The following PARD6G variants were observed in gnomAD, a reference collection of about 807,000 sequenced individuals.
PARD6G encodes par-6 family cell polarity regulator gamma.
A neutral mutation model predicts 10.7 loss-of-function variants in PARD6G; 7 were observed. The ratio of observed to expected loss-of-function variants is 0.66; its 90% CI spans 0.37 to 1.23. The LOEUF is 1.23. PARD6G is among the 50% of genes most tolerant of loss of function. PARD6G has a pLI of 0.02. For missense variants in PARD6G, 548 were observed against 571.8 expected (o/e 0.96, Z 0.42); for synonymous variants, 287 against 269.4 (o/e 1.07, Z -0.64).
chr18:80,235,597 A>G (rs1967412101), intron 1 of PARD6G, among the ~76,000 whole-genome samples: 1 of 152,224 alleles, frequency 6.6e-6, no homozygotes, highest in African/African-American at 2.4e-5. Flanking sequence ...GATCAACAAA[A>G]TTGATAGACC....
intron 1 of PARD6G, among the ~76,000 whole-genome samples, chr18:80,232,268 C>T (rs1967366311): frequency 6.6e-6 from 1 of 152,092 alleles, no homozygotes. Context: ...AGTACTCTGA[C>T]CTCCACTGCA....
At position 80,160,314 on chromosome 18, in the gene PARD6G, C is replaced by T; in HGVS notation, c.588G>A (p.Ser196=). The change falls in exon 3 of 3, where the codon TCG becomes TCA. Residue 196 remains serine, a synonymous_variant. Coordinates refer to ENST00000353265, the MANE Select transcript of PARD6G (RefSeq NM_032510.4). ...CCGCCAGGCCCCCGGGTACCATGCG[C>T]GAGATGAAGATGCCGGGCACCTTCT... is the stretch of plus-strand genomic sequence containing the variant. ...GLEKVPGIFI[S]RMVPGGLAES... is the part of the protein sequence containing the mutation. The T allele has an allele frequency of 6.2e-7, 1 of 1,612,172 alleles. No individual in the cohort carries two copies. Among genetic ancestry groups the T allele is most frequent in the South Asian group, 1.1e-5 (1 of 91,086 alleles).
At chr18:80,229,654 T>C (rs912726874) in intron 1 of PARD6G, among the ~76,000 whole-genome samples, 2 of 152,234 alleles carry the variant, frequency 1.3e-5, no homozygotes, top group Non-Finnish European at 2.9e-5. Context: ...GTGTAGCTGA[T>C]GGTTTGCTCG....
intron 2 of PARD6G, among the ~76,000 whole-genome samples, chr18:80,177,184 C>CACAT: frequency 7.5e-6 from 1 of 132,986 alleles, no homozygotes; most frequent in Admixed American, 8.0e-5. Flanking sequence ...CATACACACA[C>CACAT]ACCACAGTAT....
chr18:80,226,492 T>C (rs937472920), intron 1 of PARD6G, among the ~76,000 whole-genome samples: 21 of 152,198 alleles, frequency 1.4e-4, no homozygotes, highest in African/African-American at 5.1e-4. Flanking sequence ...AGATATCTTA[T>C]GCATACGAAA....
chr18:80,182,397 G>T lies in PARD6G; in HGVS notation c.295+20313C>A, dbSNP rs959928408. On this transcript the variant is annotated intron_variant, in intron 2 of 2. Transcript: ENST00000353265. The surrounding 1 kb of genome is among the most constrained non-coding windows in gnomAD (Gnocchi z 4.5). ...TGACAGGCCCTGAAGAACAGGTTCT[G>T]TGTCCACTTTAGATGCTGGAACTAC... 1.3e-5 allele frequency among the ~76,000 whole-genome samples: 2 copies of T among 152,244 alleles called. No individual in the cohort carries two copies. Among genetic ancestry groups the T allele is most frequent in the Admixed American group, 6.5e-5 (1 of 15,292 alleles).
At chr18:80,230,549 T>A (rs763191575) in intron 1 of PARD6G, among the ~76,000 whole-genome samples, 3 of 152,132 alleles carry the variant, frequency 2.0e-5, no homozygotes, top group Admixed American at 6.5e-5. Flanking sequence ...GGTGCAGCCG[T>A]TGGCACTCGC....
At chr18:80,213,170 A>T (rs997528775) in intron 1 of PARD6G, among the ~76,000 whole-genome samples, 1 of 152,242 alleles carries the variant, frequency 6.6e-6, no homozygotes, top group Admixed American at 6.5e-5. Flanking sequence ...ACACATAAAA[A>T]TGGTTAAGAT....
intron 2 of PARD6G, among the ~76,000 whole-genome samples, chr18:80,199,006 CT>C (rs1273048558): frequency 6.6e-6 from 1 of 152,218 alleles, no homozygotes; most frequent in African/African-American, 2.4e-5. Context: ...AAGAAACCCC[CT>C]CCCTCCCAAT....
chr18:80,230,015 T>A (rs1568443059), intron 1 of PARD6G, among the ~76,000 whole-genome samples: 1 of 152,172 alleles, frequency 6.6e-6, no homozygotes, highest in Non-Finnish European at 1.5e-5. Context: ...AGGGTCACAG[T>A]GTCACCATTT....
chr18:80,232,757 C>A (rs527241049), intron 1 of PARD6G, among the ~76,000 whole-genome samples: 6 of 152,138 alleles, frequency 3.9e-5, no homozygotes, highest in Non-Finnish European at 8.8e-5. Context: ...AGGCCAAACA[C>A]GCCCACACCA....
chr18:80,213,941 C>T (rs1196744577), intron 1 of PARD6G, among the ~76,000 whole-genome samples: 1 of 70,476 alleles, frequency 1.4e-5, no homozygotes, highest in Non-Finnish European at 2.5e-5. Flanking sequence ...AGTGAGACTC[C>T]ATCTCAAAAA....
At chr18:80,190,736 T>C (rs1966890477) in intron 2 of PARD6G, among the ~76,000 whole-genome samples, 1 of 152,092 alleles carries the variant, frequency 6.6e-6, no homozygotes, top group Non-Finnish European at 1.5e-5. Context: ...CGGGCAGCTG[T>C]TGGGGGCTTA....
intron 2 of PARD6G, among the ~76,000 whole-genome samples, chr18:80,179,104 C>A (rs1025927488): frequency 6.6e-6 from 1 of 152,164 alleles, no homozygotes; most frequent in South Asian, 2.1e-4. Flanking sequence ...TCACTGCCCC[C>A]GACACCTCCC....
In PARD6G at chr18:80,188,138, C is replaced by A. The variant is rs1225473533; in HGVS notation, c.295+14572G>T. On this transcript the variant is annotated intron_variant, in intron 2 of 2. Coordinates refer to ENST00000353265, the MANE Select transcript of PARD6G (RefSeq NM_032510.4). This position sits in a 1 kb window ranked among gnomAD's most constrained non-coding sequence, Gnocchi z 5.4. ...TAAGATGCCTTGGACACAGTAATAT[C>A]CCTCTCATTTTACAGTATTTCTATC... 3.9e-5 allele frequency among the ~76,000 whole-genome samples: 6 copies of A among 152,150 alleles called. No homozygotes were observed. The highest frequency in any genetic ancestry group is 1.4e-4 in the African/African-American group (6 of 41,434).
At chr18:80,204,719 C>A (rs879771852) in intron 1 of PARD6G, among the ~76,000 whole-genome samples, 4 of 151,848 alleles carry the variant, frequency 2.6e-5, no homozygotes, top group African/African-American at 4.8e-5. Flanking sequence ...GAGGCCAAGG[C>A]GGGCAGATTA....
In PARD6G at chr18:80,159,732, C is replaced by T. The variant is rs1027126364; in HGVS notation, c.*39G>A. ...CTGCAGGTCCTGTCCCTGTCCTTAC[C>T]GGGGAACTGGAGCTAGGATTTGGGG... On this transcript the variant is annotated 3_prime_UTR_variant, in exon 3 of 3. Transcript: ENST00000353265. 3 of 1,360,424 alleles carry T rather than the reference C, an allele frequency of 2.2e-6. No homozygotes were observed. The highest frequency in any genetic ancestry group is 1.9e-6 in the Non-Finnish European group (2 of 1,055,000). The allele number at this position is 1,360,424 out of a possible 1,614,324, so 84.3% of individuals were successfully genotyped here.
chr18:80,203,024 A>C lies in PARD6G; in HGVS notation c.73-92T>G, dbSNP rs929959672. ...GGTGTGGTTAGTGTACTTAACAAAC[A>C]AGTATTTACATTCCACATTTTCTTT... On this transcript the variant is annotated intron_variant, in intron 1 of 2. Coordinates refer to ENST00000353265, the MANE Select transcript of PARD6G (RefSeq NM_032510.4). The C allele has an allele frequency of 3.0e-5, 24 of 793,710 alleles. No individual in the cohort carries two copies. The African/African-American group carries it at 3.9e-4, about 13-fold the overall frequency. 49.2% of individuals were successfully genotyped at this position (793,710 alleles called of 1,614,324 possible). A position where few individuals can be genotyped will look rare whatever the true frequency, so the allele number is the denominator to read the frequency against.
At chr18:80,233,608 CA>C (rs1197045304) in intron 1 of PARD6G, among the ~76,000 whole-genome samples, 1 of 152,186 alleles carries the variant, frequency 6.6e-6, no homozygotes, top group Non-Finnish European at 1.5e-5. Flanking sequence ...CAGGTGCTAA[CA>C]TTGCTTTTGT....
Sources: gnomAD v4.1 joint callset for allele counts (sites outside exome capture counted in the v4.1 genomes callset) on GRCh38, gnomAD v4.1.1 for gene constraint, Gnocchi (gnomAD v3.1) non-coding constraint, MANE v1.5 for transcripts, NCBI Gene and HGNC (gene_info 2026-07-23, HGNC 2026-07-21) for gene names.